The following LRRC31 variants were observed in gnomAD, a reference collection of about 807,000 sequenced individuals.
The protein encoded by LRRC31 is leucine rich repeat containing 31.
Under a neutral mutation model 46.7 loss-of-function variants are expected in LRRC31, and 35 were observed. The observed-to-expected ratio is 0.75, with a 90% CI of 0.57 to 0.99. The LOEUF (loss-of-function observed/expected upper bound fraction) is 0.99, where lower values mean the gene tolerates loss of function less well. LRRC31 is among the 50% of genes least tolerant of loss of function. The pLI is 0.00. For synonymous variants in LRRC31, 236 were observed against 235.1 expected, an observed-to-expected ratio of 1.00 and a Z score of -0.03; for missense variants, 613 against 626.1, an observed-to-expected ratio of 0.98 and a Z score of 0.22.
intron 3 of LRRC31, 91 bp downstream of exon 3, chr3:169,860,470 C>T (rs1257687098): frequency 3.7e-6 from 5 of 1,340,200 alleles, no homozygotes; most frequent in Non-Finnish European, 3.2e-6. Flanking sequence ...TCAGGCAATC[C>T]GCCAGCCTCA....
Position 169,856,918 on chromosome 3 carries a change from A to G in LRRC31, c.488-46T>C, listed in dbSNP as rs117424816. 1.9e-6 allele frequency: 3 copies of G among 1,549,568 alleles called. No homozygotes were observed. The East Asian group carries it at 6.9e-5, about 36-fold the overall frequency. ...AATTCTGTTGGTCACTAGTCAGAAAAGCAGGGAATTCATTTCAGAATCAGC... is the reference window on the plus strand; with the variant it reads ...AATTCTGTTGGTCACTAGTCAGAAAGGCAGGGAATTCATTTCAGAATCAGC... On this transcript the variant is annotated intron_variant, in intron 3 of 8. Transcript: ENST00000316428.
intron 6 of LRRC31, chr3:169,853,593 G>A (rs1171726512): frequency 2.3e-5 from 23 of 985,658 alleles, no homozygotes; most frequent in Non-Finnish European, 2.5e-5. Context: ...TAGGTATGAC[G>A]CTCAGGCTAT....
At chr3:169,848,734 G>A (rs748165798) in intron 7 of LRRC31, among the ~76,000 whole-genome samples, 2 of 152,208 alleles carry the variant, frequency 1.3e-5, no homozygotes, top group Non-Finnish European at 2.9e-5. Flanking sequence ...GGGATTACAG[G>A]CGTGAACCAC....
chr3:169,865,256 A>G (rs1341421601), intron 1 of LRRC31, among the ~76,000 whole-genome samples: 1 of 152,046 alleles, frequency 6.6e-6, no homozygotes, highest in Non-Finnish European at 1.5e-5. Flanking sequence ...TCTCAAAAAA[A>G]AAAAAAAGAA....
At position 169,848,281 on chromosome 3, in the gene LRRC31, G is replaced by A. The variant is rs376396812; in HGVS notation, c.1166C>T (p.Ala389Val). The A allele has an allele frequency of 6.2e-7, 1 of 1,613,872 alleles. No individual in the cohort carries two copies. Reference sequence around the variant, plus strand: ...TTCCAGAGCAGAGAGGTGAACAGAGGCTTCAGCTAAAAGTGATAACAATAC... The same window carrying A: ...TTCCAGAGCAGAGAGGTGAACAGAGACTTCAGCTAAAAGTGATAACAATAC... ...ESETFTALAE[A>V]SVHLSALEVF... The change falls in exon 8 of 9, where the codon GCC becomes GTC. Residue 389 changes from alanine (A) to valine (V), a missense_variant. Physicochemically the swap from Ala to Val is moderately conservative, Grantham distance 64. Coordinates refer to ENST00000316428, the MANE Select transcript of LRRC31 (RefSeq NM_024727.4).
chr3:169,850,391 T>G (rs1207450929), intron 7 of LRRC31, among the ~76,000 whole-genome samples: 1 of 152,156 alleles, frequency 6.6e-6, no homozygotes, highest in Non-Finnish European at 1.5e-5. Context: ...CATCCCATTG[T>G]CCACATGTCT....
chr3:169,844,967 T>C (rs1420166769), intron 8 of LRRC31, among the ~76,000 whole-genome samples: 1 of 151,314 alleles, frequency 6.6e-6, no homozygotes, highest in African/African-American at 2.4e-5. Flanking sequence ...AACCTGTCTC[T>C]AATCATAGAT....
intron 1 of LRRC31, among the ~76,000 whole-genome samples, chr3:169,868,575 T>C (rs542852186): frequency 6.6e-6 from 1 of 152,296 alleles, no homozygotes; most frequent in South Asian, 2.1e-4. Flanking sequence ...CAATAAAGAT[T>C]TATTGACTGC....
At chr3:169,861,992 C>T (rs1781182348) in intron 1 of LRRC31, among the ~76,000 whole-genome samples, 179 bp from the exon 2 acceptor site, 3 of 152,186 alleles carry the variant, frequency 2.0e-5, no homozygotes, top group African/African-American at 4.8e-5. Context: ...CTGTTCCTGC[C>T]GCCAGGTGCC....
intron 6 of LRRC31, among the ~76,000 whole-genome samples, chr3:169,854,134 T>A (rs1705941762): frequency 1.3e-5 from 2 of 152,172 alleles, no homozygotes; most frequent in Admixed American, 1.3e-4. Context: ...TTTGGGCTCT[T>A]GCAATAATCT....
chr3:169,843,494 G>A (rs773426323), intron 8 of LRRC31, among the ~76,000 whole-genome samples: 34 of 152,180 alleles, frequency 2.2e-4, no homozygotes, highest in Non-Finnish European at 4.0e-4. Context: ...AGAACTGTGA[G>A]CCGGGTGAGG....
At chr3:169,852,427 A>AAAAC (rs1560626284) in intron 6 of LRRC31, among the ~76,000 whole-genome samples, 3 of 134,316 alleles carry the variant, frequency 2.2e-5, no homozygotes, top group East Asian at 2.1e-4. Context: ...AAAAAAAAAA[A>AAAAC]AAAACTCTTA....
At chr3:169,864,938 G>C (rs759781398) in intron 1 of LRRC31, among the ~76,000 whole-genome samples, 1 of 152,052 alleles carries the variant, frequency 6.6e-6, no homozygotes, top group Non-Finnish European at 1.5e-5. Context: ...TTTGCCAGGC[G>C]TACTGGCATG....
intron 3 of LRRC31, among the ~76,000 whole-genome samples, chr3:169,859,316 G>T (rs543430488): frequency 5.3e-5 from 8 of 149,610 alleles, no homozygotes; most frequent in South Asian, 2.2e-4. Flanking sequence ...AGGCCGGGGG[G>T]GCGGGTAGGC....
intron 7 of LRRC31, among the ~76,000 whole-genome samples, chr3:169,848,579 C>G (rs144783469): frequency 0.015 from 2,300 of 152,264 alleles, 59 homozygotes; most frequent in African/African-American, 0.053. Flanking sequence ...GCCTCAGCCT[C>G]TCGAGCAGCT....
At chr3:169,842,328 G>A (rs1339859588) in intron 8 of LRRC31, among the ~76,000 whole-genome samples, 1 of 152,058 alleles carries the variant, frequency 6.6e-6, no homozygotes, top group African/African-American at 2.4e-5. Flanking sequence ...ACCACATATA[G>A]TAATACTTGT....
At position 169,839,873 on chromosome 3, in the gene LRRC31, T is replaced by G; in HGVS notation, c.*109A>C. 1 of 609,012 alleles carries G rather than the reference T, an allele frequency of 1.6e-6. No homozygotes were observed. The highest frequency in any genetic ancestry group is 2.8e-6 in the Non-Finnish European group (1 of 351,080). 37.7% of individuals were successfully genotyped at this position (609,012 alleles called of 1,614,324 possible). On this transcript the variant is annotated 3_prime_UTR_variant, in exon 9 of 9. Transcript: ENST00000316428. ...ATTTACAAAGCTCTTGTAATATAAG[T>G]CCCATTAAATGGCCCAGAAGTTGAA...
In LRRC31 at chr3:169,856,475, G is replaced by C. The variant is rs377072743; in HGVS notation, c.684C>G (p.Leu228=). 1 of 1,601,362 alleles carries C rather than the reference G, an allele frequency of 6.2e-7. No individual in the cohort carries two copies. Among genetic ancestry groups the C allele is most frequent in the Non-Finnish European group, 8.5e-7 (1 of 1,174,544 alleles). The change falls in exon 5 of 9, where the codon CTC becomes CTG. Residue 228 remains leucine (L), a synonymous_variant. Coordinates refer to ENST00000316428, the MANE Select transcript of LRRC31 (RefSeq NM_024727.4). The stretch of plus-strand genomic sequence containing the variant: ...TGTTAATGGAAAGATCAAGTACTTC[G>C]AGACTTTGCAGCATAGGTAGCAGTT... ...LGQLLPMLQS[L]EVLDLSINRD... is the part of the protein sequence containing the mutation.
chr3:169,854,375 G>T (rs767234861), intron 6 of LRRC31, among the ~76,000 whole-genome samples: 2 of 152,160 alleles, frequency 1.3e-5, no homozygotes, highest in Non-Finnish European at 2.9e-5. Flanking sequence ...AAGCAGTAAC[G>T]TACAGCCATC....
Sources: gnomAD v4.1 joint callset for allele counts (sites outside exome capture counted in the v4.1 genomes callset) on GRCh38, gnomAD v4.1.1 for gene constraint, MANE v1.5 for transcripts, NCBI Gene and HGNC (gene_info 2026-07-23, HGNC 2026-07-21) for gene names.